The following AGFG1 variants were observed in gnomAD, a reference collection of about 807,000 sequenced individuals.
AGFG1 encodes the protein ArfGAP with FG repeats 1.
A neutral mutation model predicts 60.6 loss-of-function variants in AGFG1; 10 were observed. That is an observed-to-expected ratio of 0.16 (90% CI 0.10 to 0.28). AGFG1 has a LOEUF of 0.28. AGFG1 is among the 10% of genes least tolerant of loss of function. AGFG1 has a pLI of 1.00. For synonymous variants in AGFG1, 247 were observed against 242.9 expected, an observed-to-expected ratio of 1.02 and a Z score of -0.16; for missense variants, 537 against 676.5, an observed-to-expected ratio of 0.79 and a Z score of 2.29.
intron 6 of AGFG1, chr2:227,532,231 G>C: frequency 6.6e-7 from 1 of 1,521,408 alleles, no homozygotes; most frequent in South Asian, 1.2e-5. Context: ...TGTCAAGTAG[G>C]CATCTTATAC....
intron 10 of AGFG1, 74 bp from the exon 11 acceptor site, chr2:227,551,885 T>C (rs1575120276): frequency 6.6e-7 from 1 of 1,515,066 alleles, no homozygotes; most frequent in African/African-American, 1.4e-5. Flanking sequence ...ATGATGTCTT[T>C]TTACATTTAC....
chr2:227,524,670 T>C, intron 4 of AGFG1, 92 bp from the exon 5 acceptor site: 1 of 1,294,538 alleles, frequency 7.7e-7, no homozygotes, highest in East Asian at 2.3e-5. Context: ...ACTCTTCGTA[T>C]GTATAAGTGT....
intron 1 of AGFG1, 47 bp from the exon 2 acceptor site, chr2:227,491,500 A>C: frequency 8.1e-7 from 1 of 1,227,566 alleles, no homozygotes; most frequent in East Asian, 2.6e-5. Context: ...GTCATTTTAA[A>C]AATGTGGTAT....
intron 3 of AGFG1, among the ~76,000 whole-genome samples, chr2:227,523,528 A>T (rs555504624): frequency 1.1e-4 from 17 of 152,294 alleles, no homozygotes; most frequent in Non-Finnish European, 2.1e-4. Context: ...TAAGTAATTG[A>T]AACAAGTTTT....
At chr2:227,533,442 A>G in intron 6 of AGFG1, 107 bp from the exon 7 acceptor site, 2 of 972,114 alleles carry the variant, frequency 2.1e-6, no homozygotes, top group Admixed American at 5.0e-5. Context: ...TTAATGTTGT[A>G]AGATTGCTTA....
At position 227,536,718 on chromosome 2, in the gene AGFG1, G is replaced by C; in HGVS notation, c.1285+14G>C. On this transcript the variant is annotated intron_variant, in intron 9 of 12. Coordinates refer to ENST00000310078, the MANE Select transcript of AGFG1 (RefSeq NM_004504.5). Reference sequence around the variant, plus strand: ...CTCCATTTGGAGGTATGTGCTTCTGGTATATACACTGGTTTTTACAAAGAA... The same window carrying C: ...CTCCATTTGGAGGTATGTGCTTCTGCTATATACACTGGTTTTTACAAAGAA... The C allele has an allele frequency of 6.2e-7, 1 of 1,612,812 alleles. No individual in the cohort carries two copies. The highest frequency in any genetic ancestry group is 8.5e-7 in the Non-Finnish European group (1 of 1,179,188).
chr2:227,526,518 A>G (rs4972992), intron 5 of AGFG1, among the ~76,000 whole-genome samples: 88,969 of 144,942 alleles, frequency 0.61, 27,120 homozygotes, highest in South Asian at 0.7. Flanking sequence ...GATTACAGGC[A>G]TGAGCCACTG....
intron 2 of AGFG1, 130 bp downstream of exon 2, chr2:227,491,770 GAT>G (rs1690827734): frequency 3.8e-6 from 2 of 524,084 alleles, no homozygotes; most frequent in Non-Finnish European, 6.6e-6. Context: ...TTTATATTTA[GAT>G]ATTTTAAAAT....
chr2:227,489,345 C>T (rs533081751), intron 1 of AGFG1, among the ~76,000 whole-genome samples: 14 of 151,038 alleles, frequency 9.3e-5, no homozygotes, highest in African/African-American at 3.4e-4. Context: ...ATTCTCCTGC[C>T]TCAGCCTCCT....
intron 2 of AGFG1, chr2:227,508,688 ATTT>A: frequency 2.5e-6 from 1 of 394,324 alleles, no homozygotes. Flanking sequence ...CACTGTTGGG[ATTT>A]TTTTTTTTTT....
chr2:227,491,237 CTT>C (rs1256812676), intron 1 of AGFG1, among the ~76,000 whole-genome samples: 1 of 152,004 alleles, frequency 6.6e-6, no homozygotes, highest in Non-Finnish European at 1.5e-5. Flanking sequence ...TATGTATAGT[CTT>C]TTCATCAGAA....
chr2:227,506,838 C>T (rs972804626), intron 2 of AGFG1, among the ~76,000 whole-genome samples: 8 of 152,174 alleles, frequency 5.3e-5, no homozygotes, highest in Admixed American at 5.2e-4. Context: ...TTTATTCCAC[C>T]TTCTGGATTT....
chr2:227,540,104 G>A (rs1692442336), intron 10 of AGFG1, among the ~76,000 whole-genome samples: 1 of 152,028 alleles, frequency 6.6e-6, no homozygotes, highest in South Asian at 2.1e-4. Flanking sequence ...CCAAAGTGCT[G>A]GGATTACAGG....
At chr2:227,525,263 G>C (rs4365454) in intron 5 of AGFG1, among the ~76,000 whole-genome samples, 114,478 of 152,126 alleles carry the variant, frequency 0.75, 43,181 homozygotes, top group South Asian at 0.84. Context: ...TGTCATTCCA[G>C]TCACTGTCAT....
chr2:227,472,474 G>A lies in AGFG1; in HGVS notation c.53G>A (p.Arg18Gln). ...GAGGAGAAGCACCTGAAGATGCTGC[G>A]GGACATGACCGGCCTCCCGCACAAC... ...KQEEKHLKMLRDMTGLPHNRK... is the reference protein window; with the variant it reads ...KQEEKHLKMLQDMTGLPHNRK... The change falls in exon 1 of 13, where the codon CGG (arginine) becomes CAG (glutamine). Residue 18 changes from arginine (R) to glutamine (Q), a missense_variant. This residue lies in a region of AGFG1 where 120 missense variants were observed against 198.5 expected (regional missense o/e 0.60). Coordinates refer to ENST00000310078, the MANE Select transcript of AGFG1 (RefSeq NM_004504.5). 6.4e-7 allele frequency: 1 copy of A among 1,573,412 alleles called. No individual in the cohort carries two copies. The highest frequency in any genetic ancestry group is 8.6e-7 in the Non-Finnish European group (1 of 1,160,412).
At chr2:227,495,416 C>G (rs1690944071) in intron 2 of AGFG1, among the ~76,000 whole-genome samples, 1 of 151,468 alleles carries the variant, frequency 6.6e-6, no homozygotes, top group Non-Finnish European at 1.5e-5. Flanking sequence ...CGTGGTGGTA[C>G]ACATCTGTAG....
intron 6 of AGFG1, chr2:227,532,085 C>CT (rs1463751944): frequency 7.1e-7 from 1 of 1,413,772 alleles, no homozygotes; most frequent in South Asian, 1.3e-5. Context: ...TTTCAATTTT[C>CT]TTTTTTGTTT....
At chr2:227,551,488 C>T (rs897456868) in intron 10 of AGFG1, among the ~76,000 whole-genome samples, 9 of 152,016 alleles carry the variant, frequency 5.9e-5, no homozygotes, top group African/African-American at 1.9e-4. Context: ...TTCTTTTTAG[C>T]GAACTATTCT....
At chr2:227,530,226 G>A (rs887290448) in intron 5 of AGFG1, among the ~76,000 whole-genome samples, 1 of 152,108 alleles carries the variant, frequency 6.6e-6, no homozygotes, top group African/African-American at 2.4e-5. Context: ...GCTTAGCTTG[G>A]ATTTCTTTGT....
Sources: gnomAD v4.1 joint callset for allele counts (sites outside exome capture counted in the v4.1 genomes callset) on GRCh38, gnomAD v4.1.1 for gene constraint, gnomAD v4.1.1 regional missense constraint, MANE v1.5 for transcripts, NCBI Gene and HGNC (gene_info 2026-07-23, HGNC 2026-07-21) for gene names.